Variants in CEP70 observed in about 807,000 individuals in gnomAD.
CEP70 encodes centrosomal protein 70, also known as centrosomal protein of 70 kDa.
In CEP70, 70 loss-of-function variants were observed where a neutral mutation model predicts 90.9. The observed-to-expected ratio is 0.77, with a 90% CI of 0.64 to 0.94. The LOEUF is 0.94. Among genes scored for constraint, CEP70 ranks in the 40% least tolerant of loss-of-function variants. CEP70 has a pLI of 0.00. For synonymous variants in CEP70, 220 were observed against 228.3 expected, an observed-to-expected ratio of 0.96 and a Z score of 0.33; for missense variants, 648 against 669.0, an observed-to-expected ratio of 0.97 and a Z score of 0.35.
intron 6 of CEP70, among the ~76,000 whole-genome samples, chr3:138,567,101 T>A (rs933970214): frequency 6.6e-6 from 1 of 152,142 alleles, no homozygotes; most frequent in African/African-American, 2.4e-5. Flanking sequence ...TAATGCTGAA[T>A]GAAAAAAACT....
chr3:138,573,023 GA>G, intron 2 of CEP70, 91 bp from the exon 3 acceptor site: 1 of 855,052 alleles, frequency 1.2e-6, no homozygotes, highest in Non-Finnish European at 1.9e-6. Context: ...AGGAGTTAAA[GA>G]AAAGTATATT....
At chr3:138,575,155 A>C (rs2041426799) in intron 2 of CEP70, among the ~76,000 whole-genome samples, 1 of 152,126 alleles carries the variant, frequency 6.6e-6, no homozygotes, top group Admixed American at 6.6e-5. Flanking sequence ...AAACTTCTCC[A>C]AGCTAAAGGA....
intron 11 of CEP70, among the ~76,000 whole-genome samples, chr3:138,512,193 C>T (rs2035597619): frequency 6.6e-6 from 1 of 152,170 alleles, no homozygotes; most frequent in African/African-American, 2.4e-5. Flanking sequence ...GGAAGTGCAA[C>T]TTGCTTCCAG....
chr3:138,588,145 A>G (rs1301938998), intron 2 of CEP70, among the ~76,000 whole-genome samples: 2 of 152,220 alleles, frequency 1.3e-5, no homozygotes, highest in African/African-American at 4.8e-5. Context: ...AAATCACAAC[A>G]TGTCTAGAAA....
intron 6 of CEP70, among the ~76,000 whole-genome samples, chr3:138,551,983 C>T (rs2039655719): frequency 6.6e-6 from 1 of 152,122 alleles, no homozygotes; most frequent in African/African-American, 2.4e-5. Flanking sequence ...TGAAAAAAGA[C>T]ATTCCATGCA....
intron 6 of CEP70, among the ~76,000 whole-genome samples, chr3:138,541,572 A>G (rs2038771156): frequency 6.6e-6 from 1 of 152,244 alleles, no homozygotes; most frequent in Non-Finnish European, 1.5e-5. Flanking sequence ...TCACTATGAA[A>G]GAGAAGGACA....
At chr3:138,593,491 G>A (rs559310437) in intron 1 of CEP70, among the ~76,000 whole-genome samples, 2 of 152,314 alleles carry the variant, frequency 1.3e-5, no homozygotes, top group African/African-American at 4.8e-5. Flanking sequence ...CCAAAGTGCT[G>A]AGATTACAGG....
At chr3:138,530,682 G>A in intron 8 of CEP70, 1 of 985,242 alleles carries the variant, frequency 1.0e-6, no homozygotes. Context: ...ATCCTACTTA[G>A]GCCTCCAAAT....
chr3:138,525,915 TAACTC>T (rs1469387927), intron 10 of CEP70, among the ~76,000 whole-genome samples: 2 of 152,208 alleles, frequency 1.3e-5, no homozygotes. Flanking sequence ...ATTCAAATCT[TAACTC>T]AAACTTTATA....
rs553806432 is a variant in CEP70, at chr3:138,563,309, A to C, written c.465+7009T>G. ...AGATCAATGAGACAGATAATTAACA[A>C]GGATATTTAGGACTTGAACTCAGCT... On this transcript the variant is annotated intron_variant, in intron 6 of 17. Coordinates refer to ENST00000264982, the MANE Select transcript of CEP70 (RefSeq NM_024491.4). 1.3e-5 allele frequency among the ~76,000 whole-genome samples: 2 copies of C among 152,314 alleles called. 1 individual carries two copies. Among genetic ancestry groups the C allele is most frequent in the South Asian group, 4.1e-4 (2 of 4,822 alleles).
intron 8 of CEP70, chr3:138,530,832 T>C (rs1395740103): frequency 1.0e-6 from 1 of 984,406 alleles, no homozygotes; most frequent in Non-Finnish European, 1.2e-6. Context: ...TCAAAATCTA[T>C]CCTGAAATTG....
chr3:138,518,850 G>C (rs1219918070), intron 11 of CEP70, among the ~76,000 whole-genome samples: 1 of 152,162 alleles, frequency 6.6e-6, no homozygotes, highest in East Asian at 1.9e-4. Context: ...TTGACGAGTT[G>C]AGAGAAGAAG....
intron 7 of CEP70, 168 bp downstream of exon 7, chr3:138,537,001 CAAAAAAAAA>C (rs57447148): frequency 5.6e-5 from 14 of 250,822 alleles, no homozygotes; most frequent in Non-Finnish European, 8.9e-5. Context: ...ACCTCTAGAA[CAAAAAAAAA>C]AAAAAAAAAG....
chr3:138,569,579 A>C (rs1370623470), intron 6 of CEP70, among the ~76,000 whole-genome samples: 1 of 152,224 alleles, frequency 6.6e-6, no homozygotes, highest in Non-Finnish European at 1.5e-5. Context: ...AAAAAGTTGT[A>C]GATGCCAGCC....
chr3:138,541,566 T>C (rs1449005574), intron 6 of CEP70, among the ~76,000 whole-genome samples: 1 of 152,136 alleles, frequency 6.6e-6, no homozygotes, highest in Non-Finnish European at 1.5e-5. Flanking sequence ...AGTTCTTCAC[T>C]ATGAAAGAGA....
chr3:138,592,736 A>T (rs1017186020), intron 1 of CEP70, among the ~76,000 whole-genome samples: 1 of 152,050 alleles, frequency 6.6e-6, no homozygotes, highest in Non-Finnish European at 1.5e-5. Context: ...CTTAAAATTT[A>T]ATTATTTTTT....
At chr3:138,546,897 G>A (rs75581317) in intron 6 of CEP70, among the ~76,000 whole-genome samples, 1,865 of 152,256 alleles carry the variant, frequency 0.012, 37 homozygotes, top group African/African-American at 0.041. Flanking sequence ...GGACACTCAT[G>A]TCTAAGCACA....
At chr3:138,500,601 A>G (rs1457233345) in intron 14 of CEP70, 34 bp from the exon 15 acceptor site, 3 of 1,555,256 alleles carry the variant, frequency 1.9e-6, no homozygotes, top group Non-Finnish European at 2.6e-6. Flanking sequence ...GAAAGAGTTC[A>G]TTATCTTAAA....
intron 1 of CEP70, chr3:138,593,141 A>C (rs2108302772): frequency 6.6e-6 from 1 of 152,380 alleles, no homozygotes; most frequent in Admixed American, 6.5e-5. Flanking sequence ...GGGAGGCCAG[A>C]GTCTACTTGG....
Sources: allele counts gnomAD v4.1 joint callset (sites outside exome capture counted in the v4.1 genomes callset), GRCh38; gene constraint gnomAD v4.1.1; transcripts MANE v1.5; gene names NCBI Gene and HGNC (gene_info 2026-07-23, HGNC 2026-07-21).